Variants in GLP2R observed in about 807,000 individuals in gnomAD.
GLP2R encodes the protein glucagon-like peptide 2 receptor.
Under a neutral mutation model 68.2 loss-of-function variants are expected in GLP2R, and 59 were observed. That is an observed-to-expected ratio of 0.87 (90% CI 0.70 to 1.07). GLP2R has a LOEUF of 1.07. GLP2R is among the 50% of genes least tolerant of loss of function. The probability of loss-of-function intolerance (pLI) is 0.00; values close to 1 mark genes in which losing one functional copy is unlikely to be tolerated. For missense variants in GLP2R, 548 were observed against 677.4 expected (o/e 0.81, Z 2.12); for synonymous variants, 270 against 265.4 (o/e 1.02, Z -0.17).
At chr17:9,852,060 G>GT (rs961115603) in intron 4 of GLP2R, among the ~76,000 whole-genome samples, 178 of 53,536 alleles carry the variant, frequency 3.3e-3, no homozygotes, top group East Asian at 5.1e-3. Context: ...TTTTTTTTTT[G>GT]TTTTTTTTTT....
At chr17:9,833,917 C>A in intron 2 of GLP2R, 23 bp downstream of exon 2, 6 of 1,455,140 alleles carry the variant, frequency 4.1e-6, no homozygotes, top group Non-Finnish European at 5.8e-6. Flanking sequence ...ATTAGTTATC[C>A]GTGGCTGTGT....
intron 12 of GLP2R, among the ~76,000 whole-genome samples, 160 bp downstream of exon 12, chr17:9,888,133 C>G (rs2067259736): frequency 6.6e-6 from 1 of 152,120 alleles, no homozygotes; most frequent in African/African-American, 2.4e-5. Flanking sequence ...GTACAGAGAG[C>G]AGGAGGCAGC....
chr17:9,872,146 C>T (rs551306693), intron 10 of GLP2R, among the ~76,000 whole-genome samples: 8 of 152,338 alleles, frequency 5.3e-5, no homozygotes, highest in East Asian at 3.9e-4. Flanking sequence ...GAGGTGGGCA[C>T]GAGTGAAGAT....
intron 5 of GLP2R, among the ~76,000 whole-genome samples, chr17:9,856,897 A>G (rs2066938348): frequency 6.6e-6 from 1 of 152,098 alleles, no homozygotes; most frequent in Admixed American, 6.5e-5. Context: ...CACGGCTGGC[A>G]TGTTGAAGAT....
intron 9 of GLP2R, among the ~76,000 whole-genome samples, chr17:9,865,666 A>G (rs1177044296): frequency 6.6e-6 from 1 of 152,132 alleles, no homozygotes; most frequent in Non-Finnish European, 1.5e-5. Context: ...TGCCTGATAA[A>G]TTCTCTTTCT....
intron 10 of GLP2R, among the ~76,000 whole-genome samples, chr17:9,877,422 A>T (rs922694016): frequency 5.3e-5 from 8 of 152,202 alleles, no homozygotes; most frequent in African/African-American, 1.7e-4. Flanking sequence ...AAACTTTATT[A>T]AAAAATTGTT....
At chr17:9,859,062 G>A (rs927211788) in intron 6 of GLP2R, among the ~76,000 whole-genome samples, 2 of 151,730 alleles carry the variant, frequency 1.3e-5, no homozygotes, top group Non-Finnish European at 2.9e-5. Flanking sequence ...TAAAATAATT[G>A]ATATTCAGCA....
chr17:9,889,478 A>G lies in GLP2R; in HGVS notation c.1435A>G (p.Lys479Glu). The G allele has an allele frequency of 1.2e-6, 2 of 1,614,160 alleles. No individual in the cohort carries two copies. Among genetic ancestry groups the G allele is most frequent in the Non-Finnish European group, 1.7e-6 (2 of 1,179,966 alleles). ...CTTCCGGTTCCTAGGAAAATGTCCC[A>G]AGAAGCTCTCGGAAGGAGATGGCGC... Reference protein sequence around the residue: ...KDFRFLGKCPKKLSEGDGAEK... With the variant: ...KDFRFLGKCPEKLSEGDGAEK... Residue 479 changes from lysine (K) to glutamate (E), a missense_variant, in exon 13 of 13, where the codon AAG becomes GAG. Physicochemically the swap from Lys to Glu is moderately conservative, Grantham distance 56 (BLOSUM62 1). Transcript: ENST00000262441.
rs1448049135 is a variant in GLP2R at position 9,860,052 on chromosome 17, A to G, written c.876A>G (p.Thr292=). The G allele has an allele frequency of 6.2e-7, 1 of 1,613,096 alleles. No individual in the cohort carries two copies. Among genetic ancestry groups the G allele is most frequent in the African/African-American group, 1.3e-5 (1 of 75,008 alleles). The change falls in exon 7 of 13, where the codon ACA becomes ACG. Residue 292 remains threonine (T), a synonymous_variant. Transcript: ENST00000262441. The part of the protein sequence containing the change: ...GLYLHTLLEP[T]VLPERRLWPR... Reference sequence around the variant, plus strand: ...ACCTCCACACGCTGCTGGAGCCCACAGTGCTTCCTGAGAGGCGGCTGTGGC... The same window carrying G: ...ACCTCCACACGCTGCTGGAGCCCACGGTGCTTCCTGAGAGGCGGCTGTGGC...
intron 4 of GLP2R, chr17:9,853,034 C>A (rs185452433): frequency 6.3e-5 from 31 of 489,786 alleles, no homozygotes; most frequent in African/African-American, 4.8e-4. Flanking sequence ...GGTGTGATTT[C>A]AAAGCCCCCA....
chr17:9,879,282 AAAATAAAATAAATAAAATAAAAT>A (rs2067170010), intron 10 of GLP2R, among the ~76,000 whole-genome samples: 2 of 30,602 alleles, frequency 6.5e-5, no homozygotes, highest in African/African-American at 6.2e-4. Flanking sequence ...AAAATAAAAT[AAAATAAAATAAATAAAATAAAAT>A]AAAATAAAAT....
In GLP2R at chr17:9,880,530, T is replaced by C. The variant is rs1430712643; in HGVS notation, c.1284+14T>C. 7.7e-6 allele frequency: 12 copies of C among 1,562,630 alleles called. No individual in the cohort carries two copies. Among genetic ancestry groups the C allele is most frequent in the Non-Finnish European group, 9.6e-6 (11 of 1,146,964 alleles). On this transcript the variant is annotated intron_variant, in intron 11 of 12. Coordinates refer to ENST00000262441, the MANE Select transcript of GLP2R (RefSeq NM_004246.3). ...AGCTCCTTTCATGTAAGTAGAAATC[T>C]GAACCAAAATGCCTTGACTTTGGAG...
Position 9,836,594 on chromosome 17 carries a change from A to G in GLP2R, c.382+119A>G, listed in dbSNP as rs1043045573. The G allele has an allele frequency of 2.4e-5, 15 of 634,214 alleles. No homozygotes were observed. The Admixed American group carries it at 4.0e-4, about 17-fold the overall frequency. 39.3% of individuals were successfully genotyped at this position (634,214 alleles called of 1,614,324 possible). Reference sequence around the variant, plus strand: ...TACATCTTCCTTCTGTAATTTTTCTATTCCTGGATGTTCCATTTATTTTTA... The same window carrying G: ...TACATCTTCCTTCTGTAATTTTTCTGTTCCTGGATGTTCCATTTATTTTTA... On this transcript the variant is annotated intron_variant, in intron 3 of 12. Transcript: ENST00000262441.
intron 11 of GLP2R, among the ~76,000 whole-genome samples, chr17:9,884,152 A>G (rs1401860127): frequency 6.6e-6 from 1 of 152,234 alleles, no homozygotes; most frequent in African/African-American, 2.4e-5. Flanking sequence ...GGCTTAAGTT[A>G]GTGTTAATAT....
At chr17:9,871,750 G>A (rs1384991808) in intron 10 of GLP2R, among the ~76,000 whole-genome samples, 2 of 111,148 alleles carry the variant, frequency 1.8e-5, no homozygotes, top group African/African-American at 7.5e-5. Flanking sequence ...TTTTGACAGA[G>A]TCTTGCTCTT....
In GLP2R at chr17:9,891,450, G is replaced by A. The variant is rs760877480; in HGVS notation, c.*1745G>A. The A allele has an allele frequency of 1.1e-4, 17 of 152,260 alleles. No homozygotes were observed. Among genetic ancestry groups the A allele is most frequent in the Non-Finnish European group, 1.8e-4 (12 of 68,040 alleles). The allele number at this position is 152,260 out of a possible 1,614,324, so 9.4% of individuals were successfully genotyped here. ...GATTGGAGCCAGGGGCAGGATAAGG[G>A]TGAGGCAGGAGAGGCCAGCTCTTGC... On this transcript the variant is annotated 3_prime_UTR_variant, in exon 13 of 13. Coordinates refer to ENST00000262441, the MANE Select transcript of GLP2R (RefSeq NM_004246.3).
intron 12 of GLP2R, among the ~76,000 whole-genome samples, chr17:9,888,653 G>A (rs2067264029): frequency 6.6e-6 from 1 of 152,110 alleles, no homozygotes; most frequent in South Asian, 2.1e-4. Context: ...TTTTAGTAGA[G>A]ATGGGGTTTC....
At chr17:9,837,089 A>G (rs1277025043) in intron 3 of GLP2R, among the ~76,000 whole-genome samples, 1 of 151,944 alleles carries the variant, frequency 6.6e-6, no homozygotes, top group African/African-American at 2.4e-5. Context: ...TCCTGACCTC[A>G]GGTGATCCAC....
At chr17:9,831,309 G>A (rs4791881) in intron 1 of GLP2R, among the ~76,000 whole-genome samples, 110,217 of 152,128 alleles carry the variant, frequency 0.72, 41,621 homozygotes, top group East Asian at 1. Flanking sequence ...TGAGCCTCTG[G>A]AAATGAAGGA....
Sources: allele counts gnomAD v4.1 joint callset (sites outside exome capture counted in the v4.1 genomes callset), GRCh38; gene constraint gnomAD v4.1.1; transcripts MANE v1.5; gene names NCBI Gene and HGNC (gene_info 2026-07-23, HGNC 2026-07-21).